The following DKK3 variants were observed in gnomAD, a reference collection of about 807,000 sequenced individuals.
DKK3 encodes dickkopf Wnt signaling pathway inhibitor 3, also known as dickkopf-related protein 3.
A neutral mutation model predicts 33.2 loss-of-function variants in DKK3; 22 were observed. The ratio of observed to expected loss-of-function variants is 0.66; its 90% CI spans 0.47 to 0.95. The LOEUF is 0.95. DKK3 is among the 40% of genes least tolerant of loss of function. DKK3 has a pLI of 0.00. For synonymous variants in DKK3, 194 were observed against 188.8 expected, an observed-to-expected ratio of 1.03 and a Z score of -0.23; for missense variants, 398 against 458.4, an observed-to-expected ratio of 0.87 and a Z score of 1.20.
chr11:11,968,259 G>A, intron 4 of DKK3, 136 bp downstream of exon 4: 2 of 733,080 alleles, frequency 2.7e-6, no homozygotes, highest in Admixed American at 3.1e-5. Flanking sequence ...CAGCCCTCTG[G>A]GGAGCCCTCT....
chr11:12,002,287 G>A lies in DKK3; in HGVS notation c.351+13C>T. On this transcript the variant is annotated intron_variant, in intron 2 of 6. Coordinates refer to ENST00000683431, the MANE Select transcript of DKK3 (RefSeq NM_001018057.2). ...GACGCTATAGAAAGGAGGAAGTGCT[G>A]GCCATGACTTACCTTGTGAATTTCT... 9 of 1,611,116 alleles carry A rather than the reference G, an allele frequency of 5.6e-6. No individual in the cohort carries two copies. The highest frequency in any genetic ancestry group is 7.6e-6 in the Non-Finnish European group (9 of 1,178,004).
intron 3 of DKK3, among the ~76,000 whole-genome samples, chr11:11,980,687 A>C (rs969335105): frequency 1.2e-4 from 18 of 152,240 alleles, no homozygotes; most frequent in Admixed American, 6.5e-4. Context: ...GGTGCTCCCC[A>C]GTCCTGAGTA....
intron 3 of DKK3, among the ~76,000 whole-genome samples, chr11:11,994,023 T>TG (rs1396430601): frequency 6.6e-6 from 1 of 152,134 alleles, no homozygotes; most frequent in Non-Finnish European, 1.5e-5. Flanking sequence ...GTCAGCCTTG[T>TG]GGCCAGGAAC....
At chr11:11,971,366 T>G (rs1035905980) in intron 3 of DKK3, among the ~76,000 whole-genome samples, 2 of 152,190 alleles carry the variant, frequency 1.3e-5, no homozygotes, top group Non-Finnish European at 2.9e-5. Flanking sequence ...CAGGGAAATT[T>G]TGAAACCATA....
intron 2 of DKK3, among the ~76,000 whole-genome samples, chr11:11,999,704 T>A (rs1848383274): frequency 6.6e-6 from 1 of 152,164 alleles, no homozygotes; most frequent in Non-Finnish European, 1.5e-5. Flanking sequence ...AGATGTGTGT[T>A]CTTTGAGCTC....
chr11:12,008,652 C>A (rs983574808), upstream of DKK3: 17 of 1,270,238 alleles, frequency 1.3e-5, no homozygotes, highest in South Asian at 1.8e-4. The surrounding 1 kb of genome is among the most constrained non-coding windows in gnomAD (Gnocchi z 4.6). Flanking sequence ...GACCACCCCC[C>A]TCGCTGGGCC....
Position 11,998,681 on chromosome 11 carries a change from G to T in DKK3, c.435+15C>A, listed in dbSNP as rs1458546517. 5.6e-6 allele frequency: 9 copies of T among 1,610,594 alleles called. No homozygotes were observed. The Admixed American group carries it at 6.7e-5, about 12-fold the overall frequency. ...AGTGTGTCGGGGTGCAAGTACAGGG[G>T]AAATGACAACTTACGTGGCTCCTTC... On this transcript the variant is annotated intron_variant, in intron 3 of 6. Coordinates refer to ENST00000683431, the MANE Select transcript of DKK3 (RefSeq NM_001018057.2).
chr11:12,007,354 C>T (rs186323055), intron 1 of DKK3, among the ~76,000 whole-genome samples: 1 of 152,314 alleles, frequency 6.6e-6, no homozygotes, highest in Admixed American at 6.5e-5. Context: ...ACGGCTGGCT[C>T]CTCTCTATAG....
chr11:12,005,773 A>C (rs1848524657), intron 1 of DKK3, among the ~76,000 whole-genome samples: 1 of 152,228 alleles, frequency 6.6e-6, no homozygotes, highest in African/African-American at 2.4e-5. Context: ...AATACCAATT[A>C]TCCTGTGTCT....
At chr11:11,964,810 C>T in intron 6 of DKK3, 124 bp from the exon 7 acceptor site, 1 of 1,478,728 alleles carries the variant, frequency 6.8e-7, no homozygotes, top group South Asian at 1.3e-5. Flanking sequence ...CCTGTCTCTT[C>T]AACAGAGACA....
chr11:11,988,091 A>G (rs1369795056), intron 3 of DKK3, among the ~76,000 whole-genome samples: 1 of 152,216 alleles, frequency 6.6e-6, no homozygotes. Flanking sequence ...AAGTTTCCCC[A>G]GAAGCAGGGA....
chr11:11,972,362 G>C (rs76306824), intron 3 of DKK3, among the ~76,000 whole-genome samples: 12 of 152,216 alleles, frequency 7.9e-5, no homozygotes, highest in Non-Finnish European at 1.5e-4. Context: ...ATCCACCAAA[G>C]CTTGACATCT....
chr11:12,008,970 C>A, upstream of DKK3: 1 of 1,006,402 alleles, frequency 9.9e-7, no homozygotes, highest in Non-Finnish European at 1.2e-6. The surrounding 1 kb of genome is among the most constrained non-coding windows in gnomAD (Gnocchi z 4.6). Flanking sequence ...GGTTCAAACC[C>A]TAGCCCCTCC....
upstream of DKK3, chr11:12,009,348 G>T: frequency 1.2e-6 from 1 of 840,490 alleles, no homozygotes; most frequent in Non-Finnish European, 1.4e-6. Flanking sequence ...CGCCCCGCCC[G>T]CCCACCAGGC....
At chr11:11,997,632 C>T (rs1025560642) in intron 3 of DKK3, among the ~76,000 whole-genome samples, 1 of 152,118 alleles carries the variant, frequency 6.6e-6, no homozygotes, top group Non-Finnish European at 1.5e-5. Context: ...CAGCCAGTGC[C>T]CTTTCCACTT....
chr11:11,966,676 G>C (rs1179971528), intron 5 of DKK3, among the ~76,000 whole-genome samples: 1 of 152,148 alleles, frequency 6.6e-6, no homozygotes, highest in Non-Finnish European at 1.5e-5. Context: ...AAGGAGTGGT[G>C]GGAGGGAGGG....
chr11:11,968,378 G>A lies in DKK3; in HGVS notation c.528+17C>T. ...GAGACCCTGGTGCCACAGCCCCAGA[G>A]GCCCTGGCATACTCACCATCCTCTG... On this transcript the variant is annotated intron_variant, in intron 4 of 6. Coordinates refer to ENST00000683431, the MANE Select transcript of DKK3 (RefSeq NM_001018057.2). 1 of 1,607,348 alleles carries A rather than the reference G, an allele frequency of 6.2e-7. No homozygotes were observed. Among genetic ancestry groups the A allele is most frequent in the Non-Finnish European group, 8.5e-7 (1 of 1,176,124 alleles).
intron 1 of DKK3, among the ~76,000 whole-genome samples, chr11:12,004,514 C>T (rs897713467): frequency 6.6e-6 from 1 of 152,170 alleles, no homozygotes. Context: ...TGAGTCAAGT[C>T]ATTGCCTGCA....
At chr11:11,976,387 C>T (rs1362002553) in intron 3 of DKK3, among the ~76,000 whole-genome samples, 2 of 152,244 alleles carry the variant, frequency 1.3e-5, no homozygotes, top group Non-Finnish European at 2.9e-5. Context: ...GGGGCTAGAC[C>T]CCTGAGCATC....
Sources: allele counts gnomAD v4.1 joint callset (sites outside exome capture counted in the v4.1 genomes callset), GRCh38; gene constraint gnomAD v4.1.1; non-coding constraint Gnocchi (gnomAD v3.1); transcripts MANE v1.5; gene names NCBI Gene and HGNC (gene_info 2026-07-23, HGNC 2026-07-21).